The following CLASP1 variants were observed in gnomAD, a reference collection of about 807,000 sequenced individuals.
CLASP1 encodes the protein CLIP-associating protein 1.
A neutral mutation model predicts 192.3 loss-of-function variants in CLASP1; 38 were observed. The observed-to-expected ratio is 0.20, with a 90% CI of 0.15 to 0.26. CLASP1 has a LOEUF of 0.26. CLASP1 is among the 10% of genes least tolerant of loss of function. The pLI, the probability that CLASP1 is intolerant of heterozygous loss-of-function variation, is 1.00. For synonymous variants in CLASP1, 691 were observed against 712.8 expected (o/e 0.97, Z 0.49); for missense variants, 1,433 against 1,932.5 (o/e 0.74, Z 4.85).
At chr2:121,544,164 A>G (rs1424152749) in intron 2 of CLASP1, among the ~76,000 whole-genome samples, 1 of 152,208 alleles carries the variant, frequency 6.6e-6, no homozygotes, top group East Asian at 1.9e-4. Flanking sequence ...CCATCTGCCC[A>G]CTGGTTGTGC....
intron 14 of CLASP1, among the ~76,000 whole-genome samples, chr2:121,456,003 T>C (rs2086577869): frequency 6.6e-6 from 1 of 152,164 alleles, no homozygotes; most frequent in South Asian, 2.1e-4. Context: ...TTGCACATCA[T>C]AGTGATGTGA....
At chr2:121,441,740 GC>G (rs960306138) in intron 19 of CLASP1, among the ~76,000 whole-genome samples, 25 of 150,318 alleles carry the variant, frequency 1.7e-4, no homozygotes, top group African/African-American at 5.9e-4. Flanking sequence ...ATGAGACCCT[GC>G]CTTTAAAAAA....
chr2:121,525,244 C>A (rs1002815771), intron 6 of CLASP1, among the ~76,000 whole-genome samples: 9 of 152,162 alleles, frequency 5.9e-5, no homozygotes, highest in African/African-American at 2.2e-4. Flanking sequence ...CAGACTTGTA[C>A]AACTTTGTGA....
At chr2:121,415,278 G>T (rs926326127) in intron 23 of CLASP1, among the ~76,000 whole-genome samples, 2 of 152,176 alleles carry the variant, frequency 1.3e-5, no homozygotes, top group African/African-American at 4.8e-5. Flanking sequence ...TCAGTATCTT[G>T]TTTGTAAAAT....
At chr2:121,637,081 C>A (rs1218049855) in intron 1 of CLASP1, among the ~76,000 whole-genome samples, 3 of 152,174 alleles carry the variant, frequency 2.0e-5, no homozygotes, top group African/African-American at 4.8e-5. Context: ...AACATATACT[C>A]TCCTACCCCA....
intron 1 of CLASP1, among the ~76,000 whole-genome samples, chr2:121,616,390 T>TGAGCAGAGATTGCACC (rs2066470982): frequency 1.3e-5 from 2 of 152,074 alleles, no homozygotes; most frequent in Non-Finnish European, 2.9e-5. Context: ...GAGGTTGCAG[T>TGAGCAGAGATTGCACC]GAGCAGAGAT....
chr2:121,498,052 G>T (rs1011083877), intron 8 of CLASP1, among the ~76,000 whole-genome samples: 6 of 152,114 alleles, frequency 3.9e-5, no homozygotes, highest in African/African-American at 1.4e-4. Flanking sequence ...CAGAGACGGG[G>T]TTTCACCGTG....
chr2:121,608,498 C>A (rs1249600432), intron 1 of CLASP1, among the ~76,000 whole-genome samples: 9 of 152,162 alleles, frequency 5.9e-5, no homozygotes, highest in Admixed American at 3.9e-4. Context: ...GCTGGCCTAG[C>A]CTATTGGACA....
At chr2:121,531,400 C>T (rs113786241) in intron 2 of CLASP1, among the ~76,000 whole-genome samples, 5,822 of 151,912 alleles carry the variant, frequency 0.038, 154 homozygotes, top group East Asian at 0.14. Context: ...TCGAGACCAT[C>T]CTGGCTAACA....
chr2:121,497,330 T>A (rs2093574152), intron 8 of CLASP1, among the ~76,000 whole-genome samples: 1 of 152,080 alleles, frequency 6.6e-6, no homozygotes, highest in African/African-American at 2.4e-5. Context: ...TTATAAGGAG[T>A]ACAGAAAACA....
chr2:121,540,841 A>ATT (rs1449635664), intron 2 of CLASP1, among the ~76,000 whole-genome samples: 2 of 152,136 alleles, frequency 1.3e-5, no homozygotes, highest in Admixed American at 1.3e-4. Flanking sequence ...TTAGATAATA[A>ATT]AACTAAAAAG....
intron 1 of CLASP1, among the ~76,000 whole-genome samples, chr2:121,625,649 G>A (rs926361067): frequency 5.3e-5 from 8 of 151,732 alleles, no homozygotes; most frequent in Non-Finnish European, 1.0e-4. Context: ...GGCCAGGCTG[G>A]TCTTGAACTC....
intron 1 of CLASP1, among the ~76,000 whole-genome samples, chr2:121,623,398 C>T (rs2106134773): frequency 6.6e-6 from 1 of 152,310 alleles, no homozygotes; most frequent in East Asian, 1.9e-4. Context: ...GGTCACAGTA[C>T]AGAATTCTTC....
chr2:121,614,107 G>A (rs2066062613), intron 1 of CLASP1, among the ~76,000 whole-genome samples: 2 of 152,142 alleles, frequency 1.3e-5, no homozygotes, highest in African/African-American at 4.8e-5. Context: ...AAAGGGGGAG[G>A]CTACCAGGAC....
Position 121,448,339 on chromosome 2 carries a change from T to C in CLASP1, c.1692-14A>G, listed in dbSNP as rs753925275. ...GACAGCGGACGACTAAAAGTAAAGA[T>C]GTATATTATTTATTACATGTACTGT... is the stretch of plus-strand genomic sequence containing the variant. On this transcript the variant is annotated splice_polypyrimidine_tract_variant and intron_variant, in intron 17 of 39. Coordinates refer to ENST00000263710, the Ensembl canonical transcript of CLASP1. 2.5e-5 allele frequency: 40 copies of C among 1,588,968 alleles called. No homozygotes were observed. The highest frequency in any genetic ancestry group is 4.0e-5 in the African/African-American group (3 of 74,402).
chr2:121,464,820 T>C (rs557370634), intron 9 of CLASP1, among the ~76,000 whole-genome samples: 1 of 152,316 alleles, frequency 6.6e-6, no homozygotes, highest in Non-Finnish European at 1.5e-5. Context: ...TGATGGTAGT[T>C]TCTTTTGCTG....
In CLASP1 at chr2:121,484,442, A is replaced by T. The variant is rs530093118; in HGVS notation, c.713-14482T>A. Among the ~76,000 whole-genome samples, 8 of 152,270 alleles carry T rather than the reference A, an allele frequency of 5.3e-5. No homozygotes were observed. The South Asian group carries it at 1.5e-3, about 28-fold the overall frequency. On this transcript the variant is annotated intron_variant, in intron 8 of 39. Coordinates refer to ENST00000263710, the Ensembl canonical transcript of CLASP1. ...ACCCAATTTATAAGCACCAACAAAC[A>T]TCCCATGGTCCCCTTTGTCCTGCAT...
chr2:121,469,780 C>T (rs2090338189), intron 9 of CLASP1, 28 bp downstream of exon 9: 2 of 1,589,350 alleles, frequency 1.3e-6, no homozygotes, highest in African/African-American at 2.7e-5. Flanking sequence ...TAGCTGACCC[C>T]AGAACGCCAC....
chr2:121,518,668 G>C (rs1386372440), intron 6 of CLASP1, among the ~76,000 whole-genome samples: 1 of 151,732 alleles, frequency 6.6e-6, no homozygotes, highest in Non-Finnish European at 1.5e-5. Context: ...AGGAGTTCGA[G>C]ACCAGCCTGG....
Sources: allele counts gnomAD v4.1 joint callset (sites outside exome capture counted in the v4.1 genomes callset), GRCh38; gene constraint gnomAD v4.1.1; transcripts MANE v1.5; gene names NCBI Gene and HGNC (gene_info 2026-07-23, HGNC 2026-07-21).